RASGRF2: variants seen among roughly 807,000 people sequenced by gnomAD.
RASGRF2 encodes the protein Ras protein specific guanine nucleotide releasing factor 2.
A neutral mutation model predicts 151.0 loss-of-function variants in RASGRF2; 76 were observed. The ratio of observed to expected loss-of-function variants is 0.50; its 90% CI spans 0.42 to 0.61. The LOEUF (loss-of-function observed/expected upper bound fraction) is 0.61. Ranked by LOEUF, RASGRF2 falls within the 20% of genes least tolerant of loss-of-function variation. The probability of loss-of-function intolerance (pLI) is 0.00; values close to 1 mark genes in which losing one functional copy is unlikely to be tolerated. For missense variants in RASGRF2, 1,148 were observed against 1,564.6 expected (o/e 0.73, Z 4.49); for synonymous variants, 504 against 566.5 (o/e 0.89, Z 1.57).
intron 1 of RASGRF2, among the ~76,000 whole-genome samples, chr5:80,969,711 A>G (rs1747858094): frequency 1.3e-5 from 2 of 151,204 alleles, no homozygotes; most frequent in South Asian, 4.2e-4. Context: ...TCGGCCTCCC[A>G]AAGTGCTGGG....
intron 2 of RASGRF2, among the ~76,000 whole-genome samples, chr5:81,059,025 T>G (rs1751324851): frequency 6.6e-6 from 1 of 152,120 alleles, no homozygotes; most frequent in Non-Finnish European, 1.5e-5. Context: ...CTCTTCCCCC[T>G]TCTCCTCTTG....
At chr5:81,208,941 T>A (rs1245621887) in intron 22 of RASGRF2, among the ~76,000 whole-genome samples, 1 of 152,200 alleles carries the variant, frequency 6.6e-6, no homozygotes, top group East Asian at 1.9e-4. Flanking sequence ...TCCAATTAAC[T>A]TCCTGACATA....
At position 81,227,943 on chromosome 5, in the gene RASGRF2, G is replaced by C. The variant is rs1208300842; in HGVS notation, c.*2173G>C. On this transcript the variant is annotated 3_prime_UTR_variant, in exon 27 of 27. Coordinates refer to ENST00000265080, the MANE Select transcript of RASGRF2 (RefSeq NM_006909.3). Reference sequence around the variant, plus strand: ...TTCTTATTAACAAAAAATAAGACAGGAGTTTCCAAATGCTCCTTCCCTTTT... The same window carrying C: ...TTCTTATTAACAAAAAATAAGACAGCAGTTTCCAAATGCTCCTTCCCTTTT... The C allele has an allele frequency of 1.3e-5, 2 of 152,152 alleles. No homozygotes were observed. The highest frequency in any genetic ancestry group is 1.3e-4 in the Admixed American group (2 of 15,276). 9.4% of individuals were successfully genotyped at this position (152,152 alleles called of 1,614,324 possible). A position where few individuals can be genotyped will look rare whatever the true frequency, so the allele number is the denominator to read the frequency against.
intron 17 of RASGRF2, among the ~76,000 whole-genome samples, chr5:81,152,079 G>A (rs1467966850): frequency 6.6e-6 from 1 of 152,080 alleles, no homozygotes; most frequent in Admixed American, 6.5e-5. Flanking sequence ...TCGGCTCACT[G>A]CAACCTCCGC....
At chr5:80,996,036 A>G (rs551829328) in intron 1 of RASGRF2, among the ~76,000 whole-genome samples, 132 of 151,776 alleles carry the variant, frequency 8.7e-4, no homozygotes, top group Middle Eastern at 3.4e-3. Flanking sequence ...GATTTTGCTC[A>G]TTGCATTACC....
intron 24 of RASGRF2, among the ~76,000 whole-genome samples, chr5:81,216,617 G>A (rs561559238): frequency 1.3e-5 from 2 of 152,326 alleles, no homozygotes; most frequent in South Asian, 4.1e-4. Context: ...AGTGCTTGAT[G>A]TGTCTTATGT....
intron 17 of RASGRF2, among the ~76,000 whole-genome samples, chr5:81,152,163 A>G (rs1038650974): frequency 1.4e-4 from 21 of 152,096 alleles, no homozygotes; most frequent in African/African-American, 4.1e-4. Context: ...CAACATGCCT[A>G]GCTAATTTTT....
At chr5:81,004,400 G>A (rs1749196155) in intron 1 of RASGRF2, among the ~76,000 whole-genome samples, 1 of 152,192 alleles carries the variant, frequency 6.6e-6, no homozygotes, top group Non-Finnish European at 1.5e-5. Context: ...CTGACCTACT[G>A]ATCACAGAGT....
At chr5:81,037,473 G>A (rs1184228022) in intron 1 of RASGRF2, among the ~76,000 whole-genome samples, 1 of 152,062 alleles carries the variant, frequency 6.6e-6, no homozygotes, top group Non-Finnish European at 1.5e-5. Context: ...CTGGAAGATT[G>A]TAGGATCCTC....
chr5:81,018,864 G>A (rs1039200038), intron 1 of RASGRF2, among the ~76,000 whole-genome samples: 2 of 149,560 alleles, frequency 1.3e-5, no homozygotes, highest in South Asian at 2.1e-4. Flanking sequence ...GCACAGTGGC[G>A]CAATCTCGGC....
intron 17 of RASGRF2, among the ~76,000 whole-genome samples, chr5:81,141,948 G>A (rs1473905381): frequency 1.3e-5 from 2 of 152,212 alleles, no homozygotes; most frequent in Non-Finnish European, 2.9e-5. Flanking sequence ...TGTGAATTAA[G>A]TTGATGTCAC....
At chr5:81,074,015 T>G (rs1482711652) in intron 5 of RASGRF2, among the ~76,000 whole-genome samples, 1 of 152,204 alleles carries the variant, frequency 6.6e-6, no homozygotes, top group Non-Finnish European at 1.5e-5. Context: ...CATGGAGATG[T>G]GTGTTGGGGA....
At chr5:81,156,228 G>A in intron 17 of RASGRF2, among the ~76,000 whole-genome samples, 1 of 152,080 alleles carries the variant, frequency 6.6e-6, no homozygotes. Context: ...ACCTAGATGG[G>A]CTCACAGGTC....
At chr5:81,045,669 T>TCAAGTCAA (rs144726368) in intron 2 of RASGRF2, among the ~76,000 whole-genome samples, 55,136 of 151,726 alleles carry the variant, frequency 0.36, 10,249 homozygotes, top group Middle Eastern at 0.6. Flanking sequence ...ACTTGAGACC[T>TCAAGTCAA]AGGACTGGGT....
chr5:81,087,693 T>C (rs1368674811), intron 9 of RASGRF2: 5 of 344,940 alleles, frequency 1.4e-5, no homozygotes, highest in African/African-American at 8.2e-5. Flanking sequence ...TTAGGTCCTC[T>C]GGGGGAGGGG....
chr5:81,044,827 GT>G, intron 2 of RASGRF2, among the ~76,000 whole-genome samples: 1 of 152,038 alleles, frequency 6.6e-6, no homozygotes, highest in African/African-American at 2.4e-5. Flanking sequence ...TATCACTACA[GT>G]CTTTTCTTGT....
intron 1 of RASGRF2, among the ~76,000 whole-genome samples, chr5:81,021,561 T>C (rs774334069): frequency 4.2e-4 from 23 of 54,266 alleles, no homozygotes; most frequent in Non-Finnish European, 8.8e-4. Flanking sequence ...TGTGCGAGCG[T>C]GTGTGTGTGT....
At position 81,226,578 on chromosome 5, in the gene RASGRF2, A is replaced by G. The variant is rs1756005501; in HGVS notation, c.*808A>G. On this transcript the variant is annotated 3_prime_UTR_variant, in exon 27 of 27. Coordinates refer to ENST00000265080, the MANE Select transcript of RASGRF2 (RefSeq NM_006909.3). ...GGTGCACGCCCATCTCACCGACAAA[A>G]CTGTGGAACAGAAGGCCACCAAGTG... 1 of 152,172 alleles carries G rather than the reference A, an allele frequency of 6.6e-6. No individual in the cohort carries two copies. The highest frequency in any genetic ancestry group is 6.5e-5 in the Admixed American group (1 of 15,278). 9.4% of individuals were successfully genotyped at this position (152,172 alleles called of 1,614,324 possible).
At chr5:81,123,614 T>C in intron 15 of RASGRF2, 28 bp from the exon 16 acceptor site, 1 of 1,602,314 alleles carries the variant, frequency 6.2e-7, no homozygotes, top group Non-Finnish European at 8.5e-7. Context: ...ATGGCCTGGT[T>C]GTTAAAATTC....
Sources: allele counts gnomAD v4.1 joint callset (sites outside exome capture counted in the v4.1 genomes callset), GRCh38; gene constraint gnomAD v4.1.1; transcripts MANE v1.5; gene names NCBI Gene and HGNC (gene_info 2026-07-23, HGNC 2026-07-21).